CDC25A: variants seen among roughly 807,000 people sequenced by gnomAD.
The protein encoded by CDC25A is M-phase inducer phosphatase 1.
A neutral mutation model predicts 64.6 loss-of-function variants in CDC25A; 17 were observed. The observed-to-expected ratio is 0.26, with a 90% CI of 0.18 to 0.39. CDC25A has a LOEUF of 0.39. CDC25A is among the 10% of genes least tolerant of loss of function. CDC25A has a pLI of 1.00. For synonymous variants in CDC25A, 229 were observed against 238.6 expected (o/e 0.96, Z 0.37); for missense variants, 473 against 654.8 (o/e 0.72, Z 3.03).
At chr3:48,160,427 T>C (rs74771517) in intron 13 of CDC25A, among the ~76,000 whole-genome samples, 1 of 149,174 alleles carries the variant, frequency 6.7e-6, no homozygotes, top group Non-Finnish European at 1.5e-5. Context: ...TTTTTTTTTT[T>C]TGAGATGGAG....
intron 7 of CDC25A, 72 bp downstream of exon 7, chr3:48,177,781 TC>T: frequency 6.4e-7 from 1 of 1,573,184 alleles, no homozygotes; most frequent in Non-Finnish European, 8.7e-7. Context: ...CTGTTCTTTT[TC>T]ACATCACATG....
Position 48,157,180 on chromosome 3 carries a change from G to A in CDC25A, c.*1765C>T, listed in dbSNP as rs1190169299. 6.6e-6 allele frequency: 1 copy of A among 152,168 alleles called. No homozygotes were observed. Among genetic ancestry groups the A allele is most frequent in the Non-Finnish European group, 1.5e-5 (1 of 68,032 alleles). The allele number at this position is 152,168 out of a possible 1,614,324, so 9.4% of individuals were successfully genotyped here. On this transcript the variant is annotated 3_prime_UTR_variant, in exon 15 of 15. Coordinates refer to ENST00000302506, the MANE Select transcript of CDC25A (RefSeq NM_001789.3). ...CCATCAAGAACTAGGCAGAGAGCAT[G>A]GGTTCAAGATCTTTTATTTTCAGAG... is the stretch of plus-strand genomic sequence containing the variant.
chr3:48,158,963 A>T lies in CDC25A; in HGVS notation c.1557T>A (p.Ser519Arg), dbSNP rs1023272838. 5 of 1,614,068 alleles carry T rather than the reference A, an allele frequency of 3.1e-6. No homozygotes were observed. Among genetic ancestry groups the T allele is most frequent in the Non-Finnish European group, 4.2e-6 (5 of 1,179,998 alleles). ...AGEKSKREMY[S>R]RLKKL ...GCCGCCCTCAGAGCTTCTTCAGACGACTGTACATCTCCCTCTTGCTCTTCT... is the reference window on the plus strand; with the variant it reads ...GCCGCCCTCAGAGCTTCTTCAGACGTCTGTACATCTCCCTCTTGCTCTTCT... The change falls in exon 15 of 15, where the codon AGT (serine) becomes AGA (arginine). Residue 519 changes from serine to arginine, a missense_variant. This residue lies in a region of CDC25A where 97 missense variants were observed against 223.0 expected (regional missense o/e 0.43). Coordinates refer to ENST00000302506, the MANE Select transcript of CDC25A (RefSeq NM_001789.3).
In CDC25A at chr3:48,167,923, G is replaced by C; in HGVS notation, c.952C>G (p.Leu318Val). ...ATGGTTCCTTTGGGGGAAGATGCCA[G>C]GGATAAAGACTGATGAAGAGTCTGT... ...AHETLHQSLS[L>V]ASSPKGTIEN... is the part of the protein sequence containing the mutation. The change falls in exon 10 of 15, where the codon CTG becomes GTG. Residue 318 changes from leucine (L) to valine (V), a missense_variant. Coordinates refer to ENST00000302506, the MANE Select transcript of CDC25A (RefSeq NM_001789.3). 6.2e-7 allele frequency: 1 copy of C among 1,606,720 alleles called. No individual in the cohort carries two copies. The highest frequency in any genetic ancestry group is 8.5e-7 in the Non-Finnish European group (1 of 1,173,360).
In CDC25A at chr3:48,184,703, G is replaced by T; in HGVS notation, c.248-8C>A. 5.5e-6 allele frequency: 8 copies of T among 1,454,734 alleles called. No homozygotes were observed. Among genetic ancestry groups the T allele is most frequent in the Non-Finnish European group, 7.4e-6 (8 of 1,078,624 alleles). 90.1% of individuals were successfully genotyped at this position (1,454,734 alleles called of 1,614,324 possible). ...GAGAATCTAGACAGAAACCTATGGG[G>T]AAAAAAAAAACCTCTCAAGAAATAA... is the stretch of plus-strand genomic sequence containing the variant. On this transcript the variant is annotated splice_region_variant and splice_polypyrimidine_tract_variant and intron_variant, in intron 2 of 14. Coordinates refer to ENST00000302506, the MANE Select transcript of CDC25A (RefSeq NM_001789.3).
chr3:48,166,043 G>C (rs779164585), intron 10 of CDC25A, 150 bp from the exon 11 acceptor site: 12 of 630,198 alleles, frequency 1.9e-5, no homozygotes, highest in Non-Finnish European at 3.3e-5. Context: ...CCAGCACTTT[G>C]GGAGGCCGAG....
At chr3:48,186,873 G>T in intron 1 of CDC25A, 94 bp from the exon 2 acceptor site, 1 of 857,652 alleles carries the variant, frequency 1.2e-6, no homozygotes, top group Non-Finnish European at 1.9e-6. Context: ...AAGCAGCCAG[G>T]CTGCCAGAAA....
intron 12 of CDC25A, among the ~76,000 whole-genome samples, chr3:48,164,656 G>A (rs1276123038): frequency 6.6e-6 from 1 of 152,112 alleles, no homozygotes; most frequent in Non-Finnish European, 1.5e-5. Flanking sequence ...TAATGCACAT[G>A]GGGACTGGAA....
intron 13 of CDC25A, 139 bp downstream of exon 13, chr3:48,164,168 A>T: frequency 1.4e-6 from 1 of 712,908 alleles, no homozygotes; most frequent in Non-Finnish European, 2.2e-6. Context: ...GGATAAAATT[A>T]CATATGAAAA....
In CDC25A at chr3:48,165,901, A is replaced by T; in HGVS notation, c.1030-8T>A. The T allele has an allele frequency of 6.5e-7, 1 of 1,529,920 alleles. No homozygotes were observed. Among genetic ancestry groups the T allele is most frequent in the Non-Finnish European group, 9.1e-7 (1 of 1,103,878 alleles). The allele number at this position is 1,529,920 out of a possible 1,614,324, so 94.8% of individuals were successfully genotyped here. ...TGTATGAAAGAGATAACCCTTAAAA[A>T]GAAAAAAAGATACTTAGAGAATCTG... is the stretch of plus-strand genomic sequence containing the variant. On this transcript the variant is annotated splice_polypyrimidine_tract_variant and splice_region_variant and intron_variant, in intron 10 of 14. Transcript: ENST00000302506.
chr3:48,187,690 CT>C, intron 1 of CDC25A, 87 bp downstream of exon 1: 1 of 1,326,938 alleles, frequency 7.5e-7, no homozygotes, highest in South Asian at 1.4e-5. Context: ...GGGTCTCGCC[CT>C]TCTCCCGGTC....
chr3:48,158,895 A>G lies in CDC25A; in HGVS notation c.*50T>C, dbSNP rs755244465. 1.9e-5 allele frequency: 30 copies of G among 1,607,608 alleles called. No individual in the cohort carries two copies. In the East Asian group the frequency reaches 3.8e-4, roughly 20 times the overall value. On this transcript the variant is annotated 3_prime_UTR_variant, in exon 15 of 15. Coordinates refer to ENST00000302506, the MANE Select transcript of CDC25A (RefSeq NM_001789.3). ...TAAGTTTCTCTGCAGCAAAGAGGGT[A>G]AAGGGGGATGGAGGGAAGCTTGGGC... is the stretch of plus-strand genomic sequence containing the variant.
At chr3:48,160,630 C>T (rs184296681) in intron 13 of CDC25A, among the ~76,000 whole-genome samples, 2 of 152,100 alleles carry the variant, frequency 1.3e-5, no homozygotes, top group Non-Finnish European at 1.5e-5. Flanking sequence ...AGGCTGGTCT[C>T]GATCTCCTGT....
intron 13 of CDC25A, 46 bp from the exon 14 acceptor site, chr3:48,159,501 C>T (rs771832339): frequency 8.3e-6 from 11 of 1,331,074 alleles, no homozygotes; most frequent in East Asian, 2.3e-5. Flanking sequence ...TTTTCCAGCA[C>T]AGCAACAAGG....
chr3:48,185,331 G>A (rs1279715748), intron 2 of CDC25A, among the ~76,000 whole-genome samples: 1 of 150,768 alleles, frequency 6.6e-6, no homozygotes, highest in South Asian at 2.1e-4. Context: ...TGGGAGGTTC[G>A]CTTGAGCTCG....
chr3:48,177,615 T>C (rs776755926), intron 7 of CDC25A, among the ~76,000 whole-genome samples, 173 bp from the exon 8 acceptor site: 1 of 152,168 alleles, frequency 6.6e-6, no homozygotes, highest in Non-Finnish European at 1.5e-5. Flanking sequence ...AGATTGTTAG[T>C]TAGCTCCTTC....
rs1337219773 is a variant in CDC25A at position 48,178,633 on chromosome 3, C to T, written c.550-645G>A. Among the ~76,000 whole-genome samples the T allele has an allele frequency of 3.9e-5, 6 of 152,264 alleles. No individual in the cohort carries two copies. The East Asian group carries it at 1.2e-3, about 29-fold the overall frequency. On this transcript the variant is annotated intron_variant, in intron 6 of 14. Transcript: ENST00000302506. ...TCTTTAGCAAATCAGGAAACTGGTG[C>T]TTAAGAGGTTACCAAGATTATACAC...
At chr3:48,183,882 G>T (rs770954171) in intron 3 of CDC25A, 46 bp from the exon 4 acceptor site, 3 of 1,241,574 alleles carry the variant, frequency 2.4e-6, no homozygotes, top group African/African-American at 3.0e-5. Context: ...AACAAGTAAA[G>T]AGGTATTCAT....
intron 6 of CDC25A, among the ~76,000 whole-genome samples, chr3:48,178,458 A>G (rs2032547659): frequency 6.6e-6 from 1 of 152,246 alleles, no homozygotes; most frequent in Admixed American, 6.5e-5. Flanking sequence ...TTCCTTCTAT[A>G]AAATCTATCC....
Sources: gnomAD v4.1 joint callset for allele counts (sites outside exome capture counted in the v4.1 genomes callset) on GRCh38, gnomAD v4.1.1 for gene constraint, gnomAD v4.1.1 regional missense constraint, MANE v1.5 for transcripts, NCBI Gene and HGNC (gene_info 2026-07-23, HGNC 2026-07-21) for gene names.